Variants in RNF123 observed in about 807,000 individuals in gnomAD.
RNF123 encodes E3 ubiquitin-protein ligase RNF123.
RNF123 carries 86 observed loss-of-function variants against 168.5 expected under a neutral mutation model. The ratio of observed to expected loss-of-function variants is 0.51; its 90% confidence interval spans 0.43 to 0.61. The LOEUF (loss-of-function observed/expected upper bound fraction) is 0.61. Among genes scored for constraint, RNF123 ranks in the 20% least tolerant of loss-of-function variants. The pLI is 0.00. For missense variants in RNF123, 1,419 were observed against 1,729.7 expected (o/e 0.82, Z 3.19); for synonymous variants, 666 against 689.1 (o/e 0.97, Z 0.52).
At chr3:49,692,436 A>G (rs377503467) in intron 3 of RNF123, among the ~76,000 whole-genome samples, 7 of 152,372 alleles carry the variant, frequency 4.6e-5, no homozygotes, top group African/African-American at 1.4e-4. Context: ...TAATCACATC[A>G]TGGTAAATGG....
intron 15 of RNF123, among the ~76,000 whole-genome samples, chr3:49,700,928 C>A (rs1231457330): frequency 1.3e-5 from 2 of 152,244 alleles, no homozygotes; most frequent in Admixed American, 1.3e-4. Flanking sequence ...ACTGCAGACT[C>A]GGGCTACGCA....
intron 35 of RNF123, chr3:49,719,378 C>T (rs2080335088): frequency 6.2e-7 from 1 of 1,613,622 alleles, no homozygotes; most frequent in East Asian, 2.2e-5. Context: ...TTGTGGAGCG[C>T]ACGGGGCGGG....
rs1256039363 is a variant in RNF123 at position 49,691,234 on chromosome 3, A to T, written c.69A>T (p.Lys23Asn). 1 of 1,613,958 alleles carries T rather than the reference A, an allele frequency of 6.2e-7. No homozygotes were observed. Among genetic ancestry groups the T allele is most frequent in the Admixed American group, 1.7e-5 (1 of 60,018 alleles). ...KSYRLTSDAE[K>N]SRVTGIVQEK... ...ATAGGCTGACCTCAGATGCTGAGAA[A>T]TCCAGGGTCACAGGTAAGAGCTGGC... The change falls in exon 2 of 39, where the codon AAA (lysine) becomes AAT (asparagine). Residue 23 changes from lysine (K) to asparagine (N), a missense_variant. Physicochemically the swap from Lys to Asn is moderately conservative, Grantham distance 94. This residue lies in a region of RNF123 where 318 missense variants were observed against 446.6 expected (regional missense o/e 0.71). Coordinates refer to ENST00000327697, the MANE Select transcript of RNF123 (RefSeq NM_022064.5).
rs188842898 is a variant in RNF123 at position 49,699,816 on chromosome 3, A to T, written c.984+44A>T. The stretch of plus-strand genomic sequence containing the variant: ...GGCATGGGAGGGGAGGAGACAGGCC[A>T]TGCTAGACACGCCCGTGGTAGATGT... On this transcript the variant is annotated intron_variant, in intron 12 of 38. Transcript: ENST00000327697. This position sits in a 1 kb window ranked among gnomAD's most constrained non-coding sequence, Gnocchi z 4.8. 5.1e-6 allele frequency: 8 copies of T among 1,573,278 alleles called. No individual in the cohort carries two copies. In the Admixed American group the frequency reaches 1.3e-4, roughly 26 times the overall value.
chr3:49,720,694 G>A, intron 36 of RNF123, 41 bp downstream of exon 36: 1 of 1,597,486 alleles, frequency 6.3e-7, no homozygotes, highest in Non-Finnish European at 8.6e-7. Context: ...ATCTGGGGCT[G>A]GGTCGGGTCA....
In RNF123 at chr3:49,713,270, G is replaced by GA. The variant is rs200940783; in HGVS notation, c.2675-243_2675-242insA. The GA allele has an allele frequency of 3.3e-3, 1,940 of 594,792 alleles. 23 individuals are homozygous for GA. Among genetic ancestry groups the GA allele is most frequent in the African/African-American group, 0.032 (1,743 of 53,836 alleles). The allele number at this position is 594,792 out of a possible 1,614,324, so 36.8% of individuals were successfully genotyped here. Reference sequence around the variant, plus strand: ...GCTCATCAGGTGTGTGTGCTGAGATGGGTTTGAGCCCAGGTCAGGGCTCCT... The same window carrying GA: ...GCTCATCAGGTGTGTGTGCTGAGATGAGGTTTGAGCCCAGGTCAGGGCTCCT... On this transcript the variant is annotated intron_variant, in intron 27 of 38. Coordinates refer to ENST00000327697, the MANE Select transcript of RNF123 (RefSeq NM_022064.5).
intron 17 of RNF123, 86 bp downstream of exon 17, chr3:49,701,996 T>A: frequency 6.4e-7 from 1 of 1,554,430 alleles, no homozygotes; most frequent in South Asian, 1.2e-5. Flanking sequence ...TAGGTGGGAC[T>A]TGGGGAACCC....
In RNF123 at chr3:49,713,940, G is replaced by A. The variant is rs753618787; in HGVS notation, c.2868G>A (p.Ala956=). Residue 956 remains alanine (A), a synonymous_variant, in exon 30 of 39, where the codon GCG becomes GCA. Coordinates refer to ENST00000327697, the MANE Select transcript of RNF123 (RefSeq NM_022064.5). ...TCGCCATGGTGAGGAACCTCCTGGC[G>A]CCCTATGAGCAGCGGCCCTGGGCCC... The part of the protein sequence containing the change: ...QRIAMVRNLL[A]PYEQRPWAQT... 3.2e-5 allele frequency: 52 copies of A among 1,613,832 alleles called. No individual in the cohort carries two copies. The highest frequency in any genetic ancestry group is 5.0e-5 in the Admixed American group (3 of 60,012).
chr3:49,720,424 C>T, intron 35 of RNF123, 87 bp from the exon 36 acceptor site: 4 of 1,369,330 alleles, frequency 2.9e-6, no homozygotes, highest in Non-Finnish European at 3.9e-6. Flanking sequence ...CATGTACGAG[C>T]CATGGCACTC....
At chr3:49,702,951 G>T (rs1057258526) in intron 20 of RNF123, among the ~76,000 whole-genome samples, 198 bp downstream of exon 20, 57 of 152,196 alleles carry the variant, frequency 3.7e-4, no homozygotes, top group Non-Finnish European at 1.0e-4. Flanking sequence ...CAGGCCTGCC[G>T]ATCCTGTGTT....
In RNF123 at chr3:49,721,509, A is replaced by C. The variant is rs1421164378; in HGVS notation, c.*204A>C. The stretch of plus-strand genomic sequence containing the variant: ...ACTTTCAGTCAGGGCCACAGTGAGC[A>C]TTAAATTATTATTCCATACAGCCCT... On this transcript the variant is annotated 3_prime_UTR_variant, in exon 39 of 39. Transcript: ENST00000327697. 8.4e-6 allele frequency: 7 copies of C among 837,770 alleles called. No homozygotes were observed. The African/African-American group carries it at 1.0e-4, about 12-fold the overall frequency. 51.9% of individuals were successfully genotyped at this position (837,770 alleles called of 1,614,324 possible).
At chr3:49,700,205 C>T (rs372680929) in intron 12 of RNF123, 22 bp from the exon 13 acceptor site, 145 of 1,613,354 alleles carry the variant, frequency 9.0e-5, no homozygotes, top group Non-Finnish European at 1.2e-4. Context: ...CACCACCTCA[C>T]CAGTGCCTGG....
At chr3:49,692,683 G>A (rs2054192384) in intron 3 of RNF123, among the ~76,000 whole-genome samples, 1 of 152,086 alleles carries the variant, frequency 6.6e-6, no homozygotes, top group Non-Finnish European at 1.5e-5. Flanking sequence ...GAGTTCAATT[G>A]TTTTAATTTT....
At chr3:49,704,955 C>A in intron 22 of RNF123, 29 bp from the exon 23 acceptor site, 1 of 1,575,258 alleles carries the variant, frequency 6.3e-7, no homozygotes, top group Non-Finnish European at 8.6e-7. Context: ...TGAGCCAGCC[C>A]TGGTCCTGGC....
chr3:49,698,342 C>T (rs1233940174), intron 7 of RNF123, 98 bp from the exon 8 acceptor site: 2 of 1,093,622 alleles, frequency 1.8e-6, no homozygotes, highest in South Asian at 2.6e-5. Flanking sequence ...CATCTGTTCC[C>T]TTCTGTAGAG....
intron 3 of RNF123, among the ~76,000 whole-genome samples, chr3:49,695,775 C>T (rs946155201): frequency 6.6e-6 from 1 of 152,164 alleles, no homozygotes; most frequent in African/African-American, 2.4e-5. Flanking sequence ...TGTAATGGGC[C>T]TCTGTTCTGC....
In RNF123 at chr3:49,691,225, T is replaced by G. The variant is rs1282023500; in HGVS notation, c.60T>G (p.Asp20Glu). 1 of 1,613,936 alleles carries G rather than the reference T, an allele frequency of 6.2e-7. No homozygotes were observed. The highest frequency in any genetic ancestry group is 2.2e-5 in the East Asian group (1 of 44,882). The change falls in exon 2 of 39, where the codon GAT becomes GAG. Residue 20 changes from aspartate (D) to glutamate (E), a missense_variant. Physicochemically the swap from Asp to Glu is conservative, Grantham distance 45. Around this residue, in one of 5 missense-constraint regions of RNF123, gnomAD observed 318 missense variants for 446.6 expected, o/e 0.71. Transcript: ENST00000327697. The stretch of plus-strand genomic sequence containing the variant: ...GCAAGAGCTATAGGCTGACCTCAGA[T>G]GCTGAGAAATCCAGGGTCACAGGTA... ...FSRKSYRLTS[D>E]AEKSRVTGIV...
chr3:49,711,925 G>A (rs1008259027), intron 26 of RNF123, among the ~76,000 whole-genome samples: 3 of 152,002 alleles, frequency 2.0e-5, no homozygotes, highest in Admixed American at 6.6e-5. Context: ...CACACACCTT[G>A]TACTCCACTT....
chr3:49,701,441 G>A, intron 15 of RNF123, 50 bp from the exon 16 acceptor site: 1 of 1,406,312 alleles, frequency 7.1e-7, no homozygotes, highest in Non-Finnish European at 1.0e-6. Context: ...ACTCTTGAGG[G>A]TGTGCAGAGT....
Sources: allele counts gnomAD v4.1 joint callset (sites outside exome capture counted in the v4.1 genomes callset), GRCh38; gene constraint gnomAD v4.1.1; regional missense constraint gnomAD v4.1.1; non-coding constraint Gnocchi (gnomAD v3.1); transcripts MANE v1.5; gene names NCBI Gene and HGNC (gene_info 2026-07-23, HGNC 2026-07-21).